The following OR8B8 variants were observed in gnomAD, a reference collection of about 807,000 sequenced individuals.
OR8B8 encodes the protein olfactory receptor family 8 subfamily B member 8.
A neutral mutation model predicts 10.5 loss-of-function variants in OR8B8; 8 were observed. That is an observed-to-expected ratio of 0.76 (90% CI 0.45 to 1.38). OR8B8 has a LOEUF of 1.38. OR8B8 is among the 40% of genes most tolerant of loss of function. The probability of loss-of-function intolerance (pLI) is 0.00; values close to 1 mark genes in which losing one functional copy is unlikely to be tolerated. For synonymous variants in OR8B8, 150 were observed against 145.2 expected (o/e 1.03, Z -0.24); for missense variants, 390 against 380.5 (o/e 1.03, Z -0.21).
chr11:124,442,355 A>G (rs1861482948), intron 1 of OR8B8, among the ~76,000 whole-genome samples: 1 of 152,212 alleles, frequency 6.6e-6, no homozygotes, highest in Non-Finnish European at 1.5e-5. Flanking sequence ...CTTGAAAAAG[A>G]CACTAGAACA....
Position 124,440,902 on chromosome 11 carries a change from A to G in OR8B8, c.184T>C (p.Phe62Leu), listed in dbSNP as rs750495349. The change falls in exon 3 of 3, where the codon TTC becomes CTC. Residue 62 changes from phenylalanine (F) to leucine (L), a missense_variant. Phe to Leu is a conservative substitution (Grantham distance 22). Coordinates refer to ENST00000642064, the MANE Select transcript of OR8B8 (RefSeq NM_012378.2). ...NSHLHTPMYF[F>L]LYNLSFIDFC... Reference sequence around the variant, plus strand: ...TCTATGAAGGACAAGTTATAGAGGAAGAAGTACATAGGGGTGTGCAAGTGA... The same window carrying G: ...TCTATGAAGGACAAGTTATAGAGGAGGAAGTACATAGGGGTGTGCAAGTGA... The G allele has an allele frequency of 6.2e-7, 1 of 1,614,166 alleles. No individual in the cohort carries two copies. Among genetic ancestry groups the G allele is most frequent in the South Asian group, 1.1e-5 (1 of 91,082 alleles).
Position 124,440,600 on chromosome 11 carries a change from G to C in OR8B8, c.486C>G (p.Cys162Trp). 6.2e-7 allele frequency: 1 copy of C among 1,614,196 alleles called. No homozygotes were observed. The highest frequency in any genetic ancestry group is 8.5e-7 in the Non-Finnish European group (1 of 1,180,040). Residue 162 changes from cysteine (C) to tryptophan (W), a missense_variant, in exon 3 of 3, where the codon TGC (cysteine) becomes TGG (tryptophan). Physicochemically the swap from Cys to Trp is radical, Grantham distance 215. Coordinates refer to ENST00000642064, the MANE Select transcript of OR8B8 (RefSeq NM_012378.2). ...TGGCACAGAAGGTCACACCCATCAT[G>C]CACGCTGTGTGGGCCATGGCCCCAG... ...GFAGAMAHTA[C>W]MMGVTFCANN...
In OR8B8 at chr11:124,440,264, A is replaced by G. The variant is rs758834345; in HGVS notation, c.822T>C (p.Ser274=). Reference sequence around the variant, plus strand: ...GCACCACAGTGGTATAGAATAGGGAAGACACCTTGCCCTGGTTCATAGCTA... The same window carrying G: ...GCACCACAGTGGTATAGAATAGGGAGGACACCTTGCCCTGGTTCATAGCTA... ...SLLAMNQGKV[S]SLFYTTVVPM... The change falls in exon 3 of 3, where the codon TCT becomes TCC. Residue 274 remains serine, a synonymous_variant. Coordinates refer to ENST00000642064, the MANE Select transcript of OR8B8 (RefSeq NM_012378.2). 3.1e-6 allele frequency: 5 copies of G among 1,614,234 alleles called. No individual in the cohort carries two copies. In the South Asian group the frequency reaches 4.4e-5, roughly 14 times the overall value.
rs549279957 is a variant in OR8B8 at position 124,438,950 on chromosome 11, A to G, written c.*1200T>C. On this transcript the variant is annotated 3_prime_UTR_variant, in exon 3 of 3. Coordinates refer to ENST00000642064, the MANE Select transcript of OR8B8 (RefSeq NM_012378.2). ...TGTTGCCATTGGTCTAACCCAACTGAAACCAGAGGGCAAGGGGACCAGTTA... is the reference window on the plus strand; with the variant it reads ...TGTTGCCATTGGTCTAACCCAACTGGAACCAGAGGGCAAGGGGACCAGTTA... 2 of 152,392 alleles carry G rather than the reference A, an allele frequency of 1.3e-5. No individual in the cohort carries two copies. Among genetic ancestry groups the G allele is most frequent in the African/African-American group, 2.4e-5 (1 of 41,582 alleles). 9.4% of individuals were successfully genotyped at this position (152,392 alleles called of 1,614,324 possible).
intron 1 of OR8B8, among the ~76,000 whole-genome samples, chr11:124,443,240 C>G (rs1015363668): frequency 6.6e-6 from 1 of 152,152 alleles, no homozygotes; most frequent in Admixed American, 6.5e-5. Flanking sequence ...TTTAGTTCGG[C>G]TGGAATGTAG....
intron 1 of OR8B8, among the ~76,000 whole-genome samples, chr11:124,445,041 C>T (rs1861514815): frequency 6.6e-6 from 1 of 152,146 alleles, no homozygotes; most frequent in Admixed American, 6.5e-5. Context: ...TTCAAATATC[C>T]ACATTCTATC....
rs61912422 is a variant in OR8B8, at chr11:124,437,667, T to C, written c.*2483A>G. On this transcript the variant is annotated 3_prime_UTR_variant, in exon 3 of 3. Transcript: ENST00000642064. ...GTGTGTGTGTGTGTGTGTGTGTGTG[T>C]GCGCGCGCGCGTGCGTGCGTGCTGG... 1,661 of 110,482 alleles carry C rather than the reference T, an allele frequency of 0.015. 20 individuals are homozygous for C. The highest frequency in any genetic ancestry group is 0.043 in the East Asian group (180 of 4,194). The allele number at this position is 110,482 out of a possible 1,614,324, so 6.8% of individuals were successfully genotyped here.
At position 124,437,913 on chromosome 11, in the gene OR8B8, G is replaced by T. The variant is rs1861423112; in HGVS notation, c.*2237C>A. 6.6e-6 allele frequency: 1 copy of T among 152,022 alleles called. No homozygotes were observed. The highest frequency in any genetic ancestry group is 6.6e-5 in the Admixed American group (1 of 15,260). The allele number at this position is 152,022 out of a possible 1,614,324, so 9.4% of individuals were successfully genotyped here. A position where few individuals can be genotyped will look rare whatever the true frequency, so the allele number is the denominator to read the frequency against. ...TATAAATAAATATATCTTGTAAATG[G>T]AATGTAGAAATAATCTGATAGAACA... On this transcript the variant is annotated 3_prime_UTR_variant, in exon 3 of 3. Transcript: ENST00000642064.
chr11:124,442,523 T>C (rs1299035311), intron 1 of OR8B8, among the ~76,000 whole-genome samples: 1 of 152,224 alleles, frequency 6.6e-6, no homozygotes, highest in Non-Finnish European at 1.5e-5. Flanking sequence ...TGTCTTTTCT[T>C]GGAATTTGAG....
Position 124,440,694 on chromosome 11 carries a change from A to C in OR8B8, c.392T>G (p.Leu131Trp), listed in dbSNP as rs1375311327. The C allele has an allele frequency of 6.2e-7, 1 of 1,614,214 alleles. No homozygotes were observed. The highest frequency in any genetic ancestry group is 1.7e-5 in the Admixed American group (1 of 60,032). ...DRYVAICNPL[L>W]YMVTMSPQVC... is the part of the protein sequence containing the mutation. Reference sequence around the variant, plus strand: ...CTGGGGAGACATGGTGACCATGTACAACAGTGGGTTACAGATGGCCACATA... The same window carrying C: ...CTGGGGAGACATGGTGACCATGTACCACAGTGGGTTACAGATGGCCACATA... Residue 131 changes from leucine (L) to tryptophan (W), a missense_variant, in exon 3 of 3, where the codon TTG becomes TGG. Transcript: ENST00000642064.
In OR8B8 at chr11:124,437,684, G is replaced by C. The variant is rs1467828213; in HGVS notation, c.*2466C>G. 1.3e-5 allele frequency: 2 copies of C among 153,736 alleles called. No individual in the cohort carries two copies. Among genetic ancestry groups the C allele is most frequent in the Non-Finnish European group, 2.9e-5 (2 of 69,862 alleles). 9.5% of individuals were successfully genotyped at this position (153,736 alleles called of 1,614,324 possible). On this transcript the variant is annotated 3_prime_UTR_variant, in exon 3 of 3. Transcript: ENST00000642064. ...TGTGTGTGTGCGCGCGCGCGTGCGT[G>C]CGTGCTGGGATTACAGGCGTGAGCC...
intron 1 of OR8B8, among the ~76,000 whole-genome samples, chr11:124,444,527 T>A (rs571337060): frequency 1.3e-5 from 2 of 152,350 alleles, no homozygotes; most frequent in Non-Finnish European, 2.9e-5. Context: ...TGTCCCTCCA[T>A]GAACTATAAT....
At chr11:124,444,578 T>C (rs1861508227) in intron 1 of OR8B8, among the ~76,000 whole-genome samples, 1 of 152,176 alleles carries the variant, frequency 6.6e-6, no homozygotes, top group Non-Finnish European at 1.5e-5. Flanking sequence ...TTTATATCTT[T>C]GAATCATATA....
chr11:124,440,842 G>A lies in OR8B8; in HGVS notation c.244C>T (p.Leu82=). ...CYSSVITPKM[L]MSFVLKKNSI... The stretch of plus-strand genomic sequence containing the variant: ...TTCTTCTTTAAGACAAAGCTCATCA[G>A]CATTTTGGGAGTGATAACACTGGAA... Residue 82 remains leucine (L), a synonymous_variant, in exon 3 of 3, where the codon CTG becomes TTG. Coordinates refer to ENST00000642064, the MANE Select transcript of OR8B8 (RefSeq NM_012378.2). The A allele has an allele frequency of 6.2e-7, 1 of 1,614,194 alleles. No individual in the cohort carries two copies. The highest frequency in any genetic ancestry group is 8.5e-7 in the Non-Finnish European group (1 of 1,180,032).
At chr11:124,443,794 A>C (rs1861500279) in intron 1 of OR8B8, among the ~76,000 whole-genome samples, 1 of 152,186 alleles carries the variant, frequency 6.6e-6, no homozygotes, top group Non-Finnish European at 1.5e-5. Context: ...ATCCAGCTAT[A>C]GCCCAATAAC....
Position 124,439,225 on chromosome 11 carries a change from G to A in OR8B8, c.*925C>T, listed in dbSNP as rs1245054109. ...CCTAGGCGGTGGACTTCTCCATCTT[G>A]AAGTTTTTTTGTTGTTGTTGTTGTT... On this transcript the variant is annotated 3_prime_UTR_variant, in exon 3 of 3. Coordinates refer to ENST00000642064, the MANE Select transcript of OR8B8 (RefSeq NM_012378.2). 2.0e-5 allele frequency: 3 copies of A among 152,184 alleles called. No individual in the cohort carries two copies. The highest frequency in any genetic ancestry group is 2.0e-4 in the Admixed American group (3 of 15,284). The allele number at this position is 152,184 out of a possible 1,614,324, so 9.4% of individuals were successfully genotyped here. A position where few individuals can be genotyped will look rare whatever the true frequency, so the allele number is the denominator to read the frequency against.
intron 2 of OR8B8, 156 bp from the exon 3 acceptor site, chr11:124,441,257 C>T (rs920867863): frequency 2.7e-5 from 16 of 598,340 alleles, no homozygotes; most frequent in African/African-American, 5.6e-5. Flanking sequence ...GAGCAAGCCC[C>T]GCCTCCATGG....
chr11:124,441,167 C>T, intron 2 of OR8B8, 66 bp from the exon 3 acceptor site: 2 of 1,036,494 alleles, frequency 1.9e-6, no homozygotes, highest in Non-Finnish European at 2.8e-6. Context: ...CCCAGTCATC[C>T]CTCCTTCCTT....
intron 1 of OR8B8, among the ~76,000 whole-genome samples, chr11:124,442,332 A>T (rs1241115134): frequency 6.6e-6 from 1 of 152,160 alleles, no homozygotes; most frequent in East Asian, 1.9e-4. Context: ...TGCCTTCAAG[A>T]CTCTGACCAT....
Sources: gnomAD v4.1 joint callset for allele counts (sites outside exome capture counted in the v4.1 genomes callset) on GRCh38, gnomAD v4.1.1 for gene constraint, MANE v1.5 for transcripts, NCBI Gene and HGNC (gene_info 2026-07-23, HGNC 2026-07-21) for gene names.